The following GPHN variants were observed in gnomAD, a reference collection of about 807,000 sequenced individuals.
The protein encoded by GPHN is gephyrin.
GPHN carries 17 observed loss-of-function variants against 95.5 expected under a neutral mutation model. The observed-to-expected ratio is 0.18, with a 90% confidence interval of 0.12 to 0.27. GPHN has a LOEUF of 0.27. Among genes scored for constraint, GPHN ranks in the 10% least tolerant of loss-of-function variants. The probability of loss-of-function intolerance (pLI) is 1.00; values close to 1 mark genes in which losing one functional copy is unlikely to be tolerated. For missense variants in GPHN, 660 were observed against 978.1 expected (o/e 0.67, Z 4.34); for synonymous variants, 320 against 322.5 (o/e 0.99, Z 0.08).
chr14:66,744,546 C>T (rs1395838350), intron 2 of GPHN, among the ~76,000 whole-genome samples: 1 of 152,182 alleles, frequency 6.6e-6, no homozygotes, highest in Non-Finnish European at 1.5e-5. Context: ...TTATCTAATA[C>T]ATTTTGCATT....
At chr14:66,642,597 CT>C (rs1249594887) in intron 1 of GPHN, among the ~76,000 whole-genome samples, 2 of 145,392 alleles carry the variant, frequency 1.4e-5, no homozygotes, top group Non-Finnish European at 3.0e-5. Flanking sequence ...GAAAAATTAG[CT>C]GAGCTAACCT....
At chr14:67,550,866 A>C in the GPHN span, among the ~76,000 whole-genome samples, 2 of 152,202 alleles carry the variant, frequency 1.3e-5, no homozygotes, top group African/African-American at 4.8e-5. Context: ...ACCTTAGGCA[A>C]GTTACCTTAC....
the GPHN span, among the ~76,000 whole-genome samples, chr14:67,324,831 T>C: frequency 6.6e-6 from 1 of 151,644 alleles, no homozygotes; most frequent in Non-Finnish European, 1.5e-5. Context: ...GAAACCCTCC[T>C]TCCTGCCTCA....
chr14:66,983,150 G>T (rs142447669), intron 9 of GPHN, among the ~76,000 whole-genome samples: 77 of 152,232 alleles, frequency 5.1e-4, no homozygotes, highest in African/African-American at 1.7e-3. Flanking sequence ...TATTCAGGAG[G>T]CTGAGGCCGG....
At chr14:67,218,596 C>T in the GPHN span, among the ~76,000 whole-genome samples, 1 of 152,086 alleles carries the variant, frequency 6.6e-6, no homozygotes, top group Non-Finnish European at 1.5e-5. Flanking sequence ...GGGGCATGTC[C>T]GTCAGGAGCA....
At chr14:67,654,388 C>T in the GPHN span, among the ~76,000 whole-genome samples, 1 of 152,138 alleles carries the variant, frequency 6.6e-6, no homozygotes, top group Non-Finnish European at 1.5e-5. Flanking sequence ...AGCCATCCTC[C>T]CACCTCAGCC....
chr14:67,514,617 G>C, the GPHN span, among the ~76,000 whole-genome samples: 1 of 152,162 alleles, frequency 6.6e-6, no homozygotes, highest in Non-Finnish European at 1.5e-5. Flanking sequence ...AATTCAGGAG[G>C]GTCCTTGGTT....
the GPHN span, chr14:67,600,365 T>C: frequency 1.5e-5 from 9 of 581,578 alleles, no homozygotes; most frequent in Admixed American, 3.8e-5. Context: ...TGGGGGCTGA[T>C]GGTTGTGCGT....
At chr14:66,615,675 A>G (rs569930462) in intron 1 of GPHN, among the ~76,000 whole-genome samples, 2 of 152,064 alleles carry the variant, frequency 1.3e-5, no homozygotes, top group Admixed American at 1.3e-4. Context: ...TTGCCTATTC[A>G]TTCTGATGAT....
chr14:66,760,955 G>A (rs1825261444), intron 2 of GPHN: 4 of 689,742 alleles, frequency 5.8e-6, no homozygotes, highest in South Asian at 4.0e-5. Flanking sequence ...GCAAAGGGAA[G>A]CAGTTGGAAG....
the GPHN span, among the ~76,000 whole-genome samples, chr14:67,282,022 G>C: frequency 6.6e-6 from 1 of 151,990 alleles, no homozygotes; most frequent in African/African-American, 2.4e-5. Context: ...TCATTTCTTG[G>C]ATAGGAGAAG....
intron 3 of GPHN, among the ~76,000 whole-genome samples, chr14:66,823,794 T>C (rs148843636): frequency 5.8e-4 from 89 of 152,340 alleles, no homozygotes; most frequent in African/African-American, 2.0e-3. Flanking sequence ...ACAACAGTTA[T>C]CGGCAATTAA....
At chr14:66,564,624 T>C (rs2060386210) in intron 1 of GPHN, among the ~76,000 whole-genome samples, 1 of 152,194 alleles carries the variant, frequency 6.6e-6, no homozygotes, top group Non-Finnish European at 1.5e-5. Flanking sequence ...TGAACACAAA[T>C]CCAACATTTT....
At chr14:66,983,904 A>G (rs534894690) in intron 9 of GPHN, among the ~76,000 whole-genome samples, 7 of 152,256 alleles carry the variant, frequency 4.6e-5, no homozygotes, top group Non-Finnish European at 7.4e-5. Flanking sequence ...TCCATCCCAT[A>G]TATTTTCAGG....
intron 1 of GPHN, among the ~76,000 whole-genome samples, chr14:66,626,160 C>A (rs1181343942): frequency 1.3e-5 from 2 of 152,094 alleles, no homozygotes; most frequent in African/African-American, 4.8e-5. Flanking sequence ...TTCTCCTCTA[C>A]CATCTATTAT....
At chr14:67,578,170 C>T in the GPHN span, 62 of 1,613,784 alleles carry the variant, frequency 3.8e-5, no homozygotes, top group South Asian at 9.9e-5. The surrounding 1 kb of genome is among the most constrained non-coding windows in gnomAD (Gnocchi z 5.0). Context: ...GACCAGCTGC[C>T]GCCCACCTCA....
intron 17 of GPHN, among the ~76,000 whole-genome samples, chr14:67,132,300 A>G (rs549374574): frequency 7.9e-5 from 12 of 152,276 alleles, no homozygotes; most frequent in South Asian, 4.1e-4. Flanking sequence ...TGCTTACCCA[A>G]TGTTCTTAAA....
At chr14:67,255,398 G>A in the GPHN span, among the ~76,000 whole-genome samples, 2 of 152,076 alleles carry the variant, frequency 1.3e-5, no homozygotes, top group Non-Finnish European at 2.9e-5. Flanking sequence ...AGTGTTAGAG[G>A]TCTTTTTTGG....
intron 13 of GPHN, among the ~76,000 whole-genome samples, chr14:67,108,208 A>C (rs1050613249): frequency 2.0e-5 from 3 of 152,186 alleles, no homozygotes; most frequent in African/African-American, 7.2e-5. Flanking sequence ...TATCTGTGGG[A>C]GAGGACTGCC....
Sources: allele counts gnomAD v4.1 joint callset (sites outside exome capture counted in the v4.1 genomes callset), GRCh38; gene constraint gnomAD v4.1.1; non-coding constraint Gnocchi (gnomAD v3.1); transcripts MANE v1.5; gene names NCBI Gene and HGNC (gene_info 2026-07-23, HGNC 2026-07-21).